ATP10B: variants seen among roughly 807,000 people sequenced by gnomAD.
The protein encoded by ATP10B is ATPase phospholipid transporting 10B (putative), also known as phospholipid-transporting ATPase VB.
ATP10B carries 122 observed loss-of-function variants against 141.2 expected under a neutral mutation model. That is an observed-to-expected ratio of 0.86 (90% CI 0.75 to 1.00). The LOEUF is 1.00. ATP10B is among the 50% of genes least tolerant of loss of function. The pLI, the probability that ATP10B is intolerant of heterozygous loss-of-function variation, is 0.00. For missense variants in ATP10B, 1,876 were observed against 1,825.3 expected, an observed-to-expected ratio of 1.03 and a Z score of -0.51; for synonymous variants, 685 against 692.0, an observed-to-expected ratio of 0.99 and a Z score of 0.16.
chr5:160,924,360 C>T, the ATP10B span, among the ~76,000 whole-genome samples: 9 of 152,334 alleles, frequency 5.9e-5, no homozygotes, highest in South Asian at 1.9e-3. Flanking sequence ...TCAGTTTCCT[C>T]TTCCTTAAAA....
At chr5:160,882,947 C>CA in the ATP10B span, among the ~76,000 whole-genome samples, 24 of 149,108 alleles carry the variant, frequency 1.6e-4, no homozygotes, top group Admixed American at 7.3e-4. Flanking sequence ...GTTGGTCTGC[C>CA]AAAAAAAATG....
At chr5:160,739,810 TTTTG>T (rs1220936918) in intron 2 of ATP10B, among the ~76,000 whole-genome samples, 5 of 148,086 alleles carry the variant, frequency 3.4e-5, no homozygotes, top group African/African-American at 1.2e-4. Flanking sequence ...ATTTCCTGTT[TTTTG>T]TTTTTGTTTT....
At chr5:160,736,867 A>T (rs900486735) in intron 2 of ATP10B, among the ~76,000 whole-genome samples, 1 of 152,230 alleles carries the variant, frequency 6.6e-6, no homozygotes, top group Non-Finnish European at 1.5e-5. Context: ...TGCTCACATT[A>T]TTCTGCAAAT....
At chr5:160,570,121 C>G (rs1895189) in intron 24 of ATP10B, among the ~76,000 whole-genome samples, 2 of 151,474 alleles carry the variant, frequency 1.3e-5, no homozygotes, top group Admixed American at 6.6e-5. Context: ...GTTTTTTGAT[C>G]GTATTTTGTC....
intron 1 of ATP10B, among the ~76,000 whole-genome samples, chr5:160,825,084 T>C (rs968474059): frequency 6.6e-6 from 1 of 152,230 alleles, no homozygotes; most frequent in Non-Finnish European, 1.5e-5. Flanking sequence ...TAATGGATTG[T>C]GTGATTATTA....
chr5:160,923,385 A>C, the ATP10B span, among the ~76,000 whole-genome samples: 3 of 152,184 alleles, frequency 2.0e-5, no homozygotes, highest in South Asian at 6.2e-4. Flanking sequence ...ACTTAACCTT[A>C]CCAACCTTAG....
intron 7 of ATP10B, among the ~76,000 whole-genome samples, chr5:160,654,136 G>T (rs1410890946): frequency 2.0e-5 from 3 of 150,452 alleles, no homozygotes; most frequent in African/African-American, 7.4e-5. Flanking sequence ...GTGTGTGTAT[G>T]TATATGTTAT....
intron 7 of ATP10B, among the ~76,000 whole-genome samples, chr5:160,655,669 C>T (rs563273187): frequency 3.3e-5 from 5 of 152,214 alleles, no homozygotes; most frequent in East Asian, 1.9e-4. Context: ...AGTAAGACCC[C>T]TTCTTTTATG....
At chr5:160,739,865 C>A (rs1248668128) in intron 2 of ATP10B, among the ~76,000 whole-genome samples, 1 of 152,106 alleles carries the variant, frequency 6.6e-6, no homozygotes, top group Non-Finnish European at 1.5e-5. Context: ...GAGACAGAGT[C>A]TTGCCCAGGC....
intron 21 of ATP10B, among the ~76,000 whole-genome samples, chr5:160,601,445 T>C (rs1309541713): frequency 6.6e-6 from 1 of 152,200 alleles, no homozygotes; most frequent in East Asian, 1.9e-4. Flanking sequence ...AACTAGATAA[T>C]GAAAAACTCT....
At chr5:160,573,453 G>A (rs28401340) in intron 24 of ATP10B, among the ~76,000 whole-genome samples, 3,799 of 152,264 alleles carry the variant, frequency 0.025, 146 homozygotes, top group African/African-American at 0.084. Context: ...TAAAGAAGAG[G>A]GGTCCCCAGC....
the ATP10B span, among the ~76,000 whole-genome samples, chr5:160,895,589 C>T: frequency 6.6e-6 from 1 of 152,130 alleles, no homozygotes; most frequent in Non-Finnish European, 1.5e-5. Flanking sequence ...GACTCCCACA[C>T]AATAATAGTG....
intron 3 of ATP10B, among the ~76,000 whole-genome samples, chr5:160,703,043 C>A (rs1403099808): frequency 1.3e-5 from 2 of 152,078 alleles, no homozygotes; most frequent in Non-Finnish European, 2.9e-5. Flanking sequence ...AGAAGATCTG[C>A]AGAAGCAAAT....
At chr5:160,630,056 C>T (rs1758839252) in intron 13 of ATP10B, among the ~76,000 whole-genome samples, 1 of 152,194 alleles carries the variant, frequency 6.6e-6, no homozygotes, top group Non-Finnish European at 1.5e-5. Flanking sequence ...AGTGCCCTTC[C>T]TCAAAACTAC....
chr5:160,581,514 CTGTT>C (rs1302736804), intron 24 of ATP10B, among the ~76,000 whole-genome samples: 9 of 152,114 alleles, frequency 5.9e-5, no homozygotes, highest in Non-Finnish European at 8.8e-5. Context: ...GTCTGAGAGA[CTGTT>C]TGTTATGATT....
chr5:160,586,943 T>A (rs1334016416), intron 24 of ATP10B, among the ~76,000 whole-genome samples: 1 of 152,232 alleles, frequency 6.6e-6, no homozygotes, highest in African/African-American at 2.4e-5. Flanking sequence ...TACTTTCTTT[T>A]GATGTGCAGA....
intron 24 of ATP10B, among the ~76,000 whole-genome samples, chr5:160,571,273 G>T (rs1471414567): frequency 6.6e-6 from 1 of 151,854 alleles, no homozygotes; most frequent in African/African-American, 2.4e-5. Flanking sequence ...CTGTTTTATA[G>T]TCCAAATACT....
chr5:160,857,796 A>G, the ATP10B span, among the ~76,000 whole-genome samples: 2 of 151,744 alleles, frequency 1.3e-5, no homozygotes, highest in Non-Finnish European at 2.9e-5. Flanking sequence ...TTTAATTTTC[A>G]AGTGTTTTCA....
At chr5:160,777,902 A>G (rs975754688) in intron 2 of ATP10B, among the ~76,000 whole-genome samples, 1 of 152,206 alleles carries the variant, frequency 6.6e-6, no homozygotes, top group Non-Finnish European at 1.5e-5. Context: ...TGTGTATACT[A>G]ATATAACACA....
Sources: allele counts gnomAD v4.1 joint callset (sites outside exome capture counted in the v4.1 genomes callset), GRCh38; gene constraint gnomAD v4.1.1; transcripts MANE v1.5; gene names NCBI Gene and HGNC (gene_info 2026-07-23, HGNC 2026-07-21).